The following RAPGEF4 variants were observed in gnomAD, a reference collection of about 807,000 sequenced individuals.
RAPGEF4 encodes the protein RAP guanine-nucleotide-exchange factor (GEF) 4.
A neutral mutation model predicts 147.9 loss-of-function variants in RAPGEF4; 66 were observed. That is an observed-to-expected ratio of 0.45 (90% CI 0.37 to 0.55). RAPGEF4 has a LOEUF of 0.55. Among genes scored for constraint, RAPGEF4 ranks in the 20% least tolerant of loss-of-function variants. The pLI is 0.00. For synonymous variants in RAPGEF4, 419 were observed against 442.7 expected (o/e 0.95, Z 0.67); for missense variants, 1,071 against 1,257.3 (o/e 0.85, Z 2.24).
intron 4 of RAPGEF4, among the ~76,000 whole-genome samples, chr2:172,898,345 G>A (rs3754761): frequency 0.016 from 2,402 of 152,220 alleles, 53 homozygotes; most frequent in East Asian, 0.11. Flanking sequence ...CCGCCTGCTC[G>A]CTGGATACCC....
chr2:172,942,487 G>T (rs781194086), intron 6 of RAPGEF4, among the ~76,000 whole-genome samples: 1 of 148,932 alleles, frequency 6.7e-6, no homozygotes, highest in Admixed American at 6.7e-5. Flanking sequence ...ATTTAGCCAC[G>T]CTATATGCCA....
At chr2:172,750,372 G>A (rs938962507) in intron 1 of RAPGEF4, among the ~76,000 whole-genome samples, 2 of 151,904 alleles carry the variant, frequency 1.3e-5, no homozygotes, top group Admixed American at 6.6e-5. Flanking sequence ...TTATATTGGC[G>A]GCAGGCAAGA....
chr2:172,779,129 A>G (rs1461210770), intron 1 of RAPGEF4, among the ~76,000 whole-genome samples: 2 of 152,226 alleles, frequency 1.3e-5, no homozygotes, highest in African/African-American at 4.8e-5. Context: ...TATTCCCAAC[A>G]TTGTTCTCGG....
At chr2:172,821,737 T>TAAAAA (rs35414922) in intron 4 of RAPGEF4, 37 of 819,898 alleles carry the variant, frequency 4.5e-5, no homozygotes, top group African/African-American at 1.6e-4. Flanking sequence ...TAACTAAAGT[T>TAAAAA]AAAAAAAAAA....
At chr2:172,971,170 G>A (rs761049072) in intron 10 of RAPGEF4, among the ~76,000 whole-genome samples, 2 of 152,168 alleles carry the variant, frequency 1.3e-5, no homozygotes, top group Non-Finnish European at 2.9e-5. Flanking sequence ...GGAGTGACTA[G>A]GTAAACAGAG....
chr2:172,902,366 G>A (rs1360278401), intron 4 of RAPGEF4, among the ~76,000 whole-genome samples: 1 of 151,992 alleles, frequency 6.6e-6, no homozygotes, highest in East Asian at 1.9e-4. Context: ...GCAACGGCAT[G>A]ACCTCGGCTC....
intron 5 of RAPGEF4, among the ~76,000 whole-genome samples, chr2:172,919,355 A>G (rs1458318769): frequency 6.6e-6 from 1 of 152,042 alleles, no homozygotes; most frequent in Non-Finnish European, 1.5e-5. Context: ...TTTGCCCCAT[A>G]CTTCTTGAAT....
At chr2:172,926,404 G>A (rs775027124) in intron 6 of RAPGEF4, among the ~76,000 whole-genome samples, 48 of 152,102 alleles carry the variant, frequency 3.2e-4, no homozygotes, top group Non-Finnish European at 5.3e-4. Context: ...ACTGCTATGG[G>A]GTTTCCTAGT....
In RAPGEF4 at chr2:172,928,065, G is replaced by A. The variant is rs1186941387; in HGVS notation, c.537+5765G>A. The A allele has an allele frequency of 3.9e-5, 15 of 386,326 alleles. No individual in the cohort carries two copies. The East Asian group carries it at 1.0e-3, about 26-fold the overall frequency. 23.9% of individuals were successfully genotyped at this position (386,326 alleles called of 1,614,324 possible). ...GGCCCAATCCTGTGAGCTGTGTAGT[G>A]TGTAAATACTCCTTTCATTAGCTGG... On this transcript the variant is annotated intron_variant, in intron 6 of 30. Coordinates refer to ENST00000397081, the MANE Select transcript of RAPGEF4 (RefSeq NM_007023.4).
chr2:172,927,426 T>G (rs1408748777), intron 6 of RAPGEF4, among the ~76,000 whole-genome samples: 2 of 152,162 alleles, frequency 1.3e-5, no homozygotes, highest in Non-Finnish European at 1.5e-5. Context: ...GACAATGAAA[T>G]TCTGGGCCAG....
intron 1 of RAPGEF4, among the ~76,000 whole-genome samples, chr2:172,753,675 A>T (rs568141463): frequency 3.9e-5 from 6 of 152,168 alleles, no homozygotes; most frequent in Admixed American, 2.0e-4. Flanking sequence ...CAAATTAGTA[A>T]TAAGTGAAAT....
In RAPGEF4 at chr2:172,922,294, GGA is replaced by G; in HGVS notation, c.534_535del (p.Asn179HisfsTer5). 6.2e-7 allele frequency: 1 copy of G among 1,607,070 alleles called. No homozygotes were observed. Among genetic ancestry groups the G allele is most frequent in the Non-Finnish European group, 8.5e-7 (1 of 1,173,690 alleles). On this transcript the variant is annotated frameshift_variant, in exon 6 of 31. Transcript: ENST00000397081. LOFTEE classifies it high-confidence loss of function. ...TTCCTCCTTTAGGGATTCCTGACAA[GGA>G]GAACGTGAGTAGCTACTCTCTCTGC... ...GSNNDRIPDK[E>X]NTPLIEPHVP...
intron 6 of RAPGEF4, among the ~76,000 whole-genome samples, chr2:172,960,300 T>C (rs1689151218): frequency 6.6e-6 from 1 of 152,152 alleles, no homozygotes; most frequent in East Asian, 1.9e-4. Flanking sequence ...TTTCTAAAAA[T>C]ACAAATTGCA....
chr2:172,988,310 T>C, intron 13 of RAPGEF4, 38 bp downstream of exon 13: 1 of 1,583,346 alleles, frequency 6.3e-7, no homozygotes, highest in Non-Finnish European at 8.5e-7. Flanking sequence ...TTTATTACGC[T>C]CCACTTACTA....
Position 172,735,923 on chromosome 2 carries a change from C to A in RAPGEF4, c.-61C>A, listed in dbSNP as rs1308593596. On this transcript the variant is annotated 5_prime_UTR_variant, in exon 1 of 31. Coordinates refer to ENST00000397081, the MANE Select transcript of RAPGEF4 (RefSeq NM_007023.4). ...GCGGCGGACGAGGCGGGGGCGGAGG[C>A]GCAGGCAGAGCGAGCGCGGGAGGTC... is the stretch of plus-strand genomic sequence containing the variant. The A allele has an allele frequency of 1.2e-5, 16 of 1,367,470 alleles. No homozygotes were observed. The highest frequency in any genetic ancestry group is 1.5e-5 in the Non-Finnish European group (16 of 1,047,086). 84.7% of individuals were successfully genotyped at this position (1,367,470 alleles called of 1,614,324 possible).
intron 18 of RAPGEF4, among the ~76,000 whole-genome samples, chr2:173,015,487 A>G (rs555804598): frequency 2.0e-5 from 3 of 152,320 alleles, no homozygotes; most frequent in African/African-American, 4.8e-5. Flanking sequence ...TATTCATATC[A>G]TTTCACAGCC....
chr2:173,030,116 T>C (rs759503726), intron 25 of RAPGEF4, 48 bp from the exon 26 acceptor site: 33 of 1,318,606 alleles, frequency 2.5e-5, no homozygotes, highest in Admixed American at 3.4e-5. Flanking sequence ...TTTTTTTATC[T>C]CACACAGAAG....
In RAPGEF4 at chr2:172,967,484, G is replaced by A. The variant is rs139353942; in HGVS notation, c.1004+40G>A. ...GTGGCTCACCCCTCCAGGTCCCAAG[G>A]CCGCCTAGTGCATAGACATACCATG... On this transcript the variant is annotated intron_variant, in intron 10 of 30. Transcript: ENST00000397081. The A allele has an allele frequency of 3.3e-4, 521 of 1,581,340 alleles. 7 individuals carry two copies. The East Asian group carries it at 0.011, about 35-fold the overall frequency.
In RAPGEF4 at chr2:172,969,044, C is replaced by T. The variant is rs182011876; in HGVS notation, c.1004+1600C>T. Among the ~76,000 whole-genome samples the T allele has an allele frequency of 5.3e-3, 801 of 152,278 alleles. 9 individuals are homozygous for T. Among genetic ancestry groups the T allele is most frequent in the Middle Eastern group, 0.02 (6 of 294 alleles). ...CTGTTGTCAAAGCACAGGAGGGGGC[C>T]CACTGCTAGCACTCACTGGGCAGTG... On this transcript the variant is annotated intron_variant, in intron 10 of 30. Coordinates refer to ENST00000397081, the MANE Select transcript of RAPGEF4 (RefSeq NM_007023.4).
Sources: gnomAD v4.1 joint callset for allele counts (sites outside exome capture counted in the v4.1 genomes callset) on GRCh38, gnomAD v4.1.1 for gene constraint, MANE v1.5 for transcripts, NCBI Gene and HGNC (gene_info 2026-07-23, HGNC 2026-07-21) for gene names.